The following CAMTA1 variants were observed in gnomAD, a reference collection of about 807,000 sequenced individuals.
CAMTA1 encodes the protein calmodulin-binding transcription activator 1.
In CAMTA1, 27 loss-of-function variants were observed where a neutral mutation model predicts 170.9. The ratio of observed to expected loss-of-function variants is 0.16; its 90% CI spans 0.12 to 0.22. The LOEUF (loss-of-function observed/expected upper bound fraction) is 0.22, where lower values mean the gene tolerates loss of function less well. CAMTA1 is among the 10% of genes least tolerant of loss of function. The pLI is 1.00. For missense variants in CAMTA1, 1,619 were observed against 2,217.2 expected (o/e 0.73, Z 5.42); for synonymous variants, 833 against 891.5 (o/e 0.93, Z 1.17).
At chr1:6,849,529 A>T (rs944878984) in intron 3 of CAMTA1, among the ~76,000 whole-genome samples, 9 of 152,068 alleles carry the variant, frequency 5.9e-5, no homozygotes, top group African/African-American at 2.2e-4. Flanking sequence ...GAGCTGGGAG[A>T]GTTACAGAAA....
chr1:7,449,931 C>T (rs767748251), intron 5 of CAMTA1, among the ~76,000 whole-genome samples: 5 of 152,078 alleles, frequency 3.3e-5, no homozygotes, highest in Non-Finnish European at 5.9e-5. Flanking sequence ...TACCACACTT[C>T]GCAACAAGAC....
At chr1:7,688,157 C>T (rs950038888) in intron 11 of CAMTA1, among the ~76,000 whole-genome samples, 2 of 150,238 alleles carry the variant, frequency 1.3e-5, no homozygotes, top group African/African-American at 4.9e-5. Flanking sequence ...TACAGGTGTG[C>T]ACCACCACAC....
intron 3 of CAMTA1, among the ~76,000 whole-genome samples, chr1:6,882,367 A>G (rs1291429391): frequency 3.3e-5 from 5 of 152,212 alleles, no homozygotes; most frequent in African/African-American, 4.8e-5. Flanking sequence ...TTGGGATAGA[A>G]GTAGGGAGAC....
At chr1:7,276,296 TA>T (rs1558345366) in intron 5 of CAMTA1, among the ~76,000 whole-genome samples, 14 of 14,204 alleles carry the variant, frequency 9.9e-4, no homozygotes, top group South Asian at 1.9e-3. Context: ...TATATATATA[TA>T]TATATATTTT....
chr1:7,036,289 T>C (rs1263988000), intron 3 of CAMTA1, among the ~76,000 whole-genome samples: 2 of 152,198 alleles, frequency 1.3e-5, no homozygotes, highest in Non-Finnish European at 2.9e-5. Context: ...ATAATCATCA[T>C]CATCATCACT....
Position 7,581,000 on chromosome 1 carries a change from T to C in CAMTA1, c.511-59400T>C, listed in dbSNP as rs1381436055. On this transcript the variant is annotated intron_variant, in intron 6 of 22. Transcript: ENST00000303635. This position sits in a 1 kb window ranked among gnomAD's most constrained non-coding sequence, Gnocchi z 4.3. The stretch of plus-strand genomic sequence containing the variant: ...AAAATGGAACGACTGCAGAGCTTAG[T>C]AAAGTGCCACCACACATACGTGGTT... Among the ~76,000 whole-genome samples, 1 of 152,228 alleles carries C rather than the reference T, an allele frequency of 6.6e-6. No homozygotes were observed. Among genetic ancestry groups the C allele is most frequent in the Non-Finnish European group, 1.5e-5 (1 of 68,042 alleles).
At chr1:7,626,466 C>T (rs1404353337) in intron 6 of CAMTA1, among the ~76,000 whole-genome samples, 1 of 152,204 alleles carries the variant, frequency 6.6e-6, no homozygotes, top group Non-Finnish European at 1.5e-5. Flanking sequence ...AGAAAGCCCA[C>T]CAAACATCTC....
intron 4 of CAMTA1, among the ~76,000 whole-genome samples, chr1:7,203,628 C>G (rs912485506): frequency 6.6e-6 from 1 of 151,100 alleles, no homozygotes; most frequent in Non-Finnish European, 1.5e-5. Flanking sequence ...TCTAAGCTAT[C>G]TAATTTGTTG....
chr1:7,013,832 C>T (rs1700160049), intron 3 of CAMTA1, among the ~76,000 whole-genome samples: 1 of 152,234 alleles, frequency 6.6e-6, no homozygotes, highest in Admixed American at 6.5e-5. Flanking sequence ...CTTGCCTCCA[C>T]TCCTCAAGGC....
At chr1:7,551,470 CAG>C (rs1299257240) in intron 6 of CAMTA1, among the ~76,000 whole-genome samples, 1 of 152,192 alleles carries the variant, frequency 6.6e-6, no homozygotes, top group Non-Finnish European at 1.5e-5. Context: ...CCATTCGTAA[CAG>C]AGCATGCCTG....
chr1:7,118,498 A>C (rs372716372), intron 4 of CAMTA1, among the ~76,000 whole-genome samples: 40 of 151,408 alleles, frequency 2.6e-4, no homozygotes, highest in African/African-American at 9.2e-4. Context: ...TGGGGTCTTC[A>C]TGTGTTCCCC....
Position 7,481,792 on chromosome 1 carries a change from C to CATACAGT in CAMTA1, c.510+13892_510+13898dup, listed in dbSNP as rs1158910536. On this transcript the variant is annotated intron_variant, in intron 6 of 22. Transcript: ENST00000303635. ...AGCATTAACCAAAGTTCAATATTTG[C>CATACAGT]ATACAGTTCTTTTTTTTTTTTGCTT... 3.8e-5 allele frequency among the ~76,000 whole-genome samples: 5 copies of CATACAGT among 133,132 alleles called. No homozygotes were observed. In the East Asian group the frequency reaches 1.2e-3, roughly 31 times the overall value. 87.3% of individuals were successfully genotyped at this position (133,132 alleles called of 152,430 possible).
intron 5 of CAMTA1, among the ~76,000 whole-genome samples, chr1:7,273,887 G>T (rs1324568811): frequency 6.6e-6 from 1 of 152,144 alleles, no homozygotes; most frequent in Non-Finnish European, 1.5e-5. Context: ...TACATTTTTG[G>T]TGAAGTGCTC....
chr1:7,608,117 C>T (rs1345152216), intron 6 of CAMTA1, among the ~76,000 whole-genome samples: 1 of 152,234 alleles, frequency 6.6e-6, no homozygotes, highest in Non-Finnish European at 1.5e-5. Context: ...GCTAGTGCAG[C>T]TGCTGACCCA....
Position 7,339,135 on chromosome 1 carries a change from T to G in CAMTA1, c.438+89509T>G, listed in dbSNP as rs2083605275. Among the ~76,000 whole-genome samples, 18 of 152,208 alleles carry G rather than the reference T, an allele frequency of 1.2e-4. 1 individual carries two copies. The highest frequency in any genetic ancestry group is 1.2e-3 in the Admixed American group (18 of 15,288). ...GGATTACAATTTGACATGAGATTTGTTCAGGGACACAGACCCAAACCATAC... is the reference window on the plus strand; with the variant it reads ...GGATTACAATTTGACATGAGATTTGGTCAGGGACACAGACCCAAACCATAC... On this transcript the variant is annotated intron_variant, in intron 5 of 22. Coordinates refer to ENST00000303635, the MANE Select transcript of CAMTA1 (RefSeq NM_015215.4).
Position 7,664,976 on chromosome 1 carries a change from C to T in CAMTA1, c.2429C>T (p.Ala810Val), listed in dbSNP as rs768327327. ...STALSQSEDG[A>V]RAPFTQAEMC... ...GCGCTCTCACAGTCAGAGGACGGGG[C>T]GCGGGCCCCCTTCACCCAGGCAGAG... is the stretch of plus-strand genomic sequence containing the variant. The change falls in exon 9 of 23, where the codon GCG becomes GTG. Residue 810 changes from alanine to valine, a missense_variant. By Grantham distance (64) the Ala-to-Val change is moderately conservative. Coordinates refer to ENST00000303635, the MANE Select transcript of CAMTA1 (RefSeq NM_015215.4). 1.1e-5 allele frequency: 17 copies of T among 1,610,466 alleles called. No homozygotes were observed. Among genetic ancestry groups the T allele is most frequent in the East Asian group, 6.7e-5 (3 of 44,848 alleles).
intron 4 of CAMTA1, among the ~76,000 whole-genome samples, chr1:7,152,689 C>T (rs528449018): frequency 5.3e-5 from 8 of 152,210 alleles, no homozygotes; most frequent in Non-Finnish European, 7.3e-5. Flanking sequence ...TCCCAGGAGG[C>T]GCCTCTGAGT....
chr1:7,161,667 C>T (rs1647236879), intron 4 of CAMTA1, among the ~76,000 whole-genome samples: 1 of 152,176 alleles, frequency 6.6e-6, no homozygotes, highest in Non-Finnish European at 1.5e-5. Context: ...GTGAGGCCTC[C>T]CCAGCCACAT....
chr1:7,155,924 T>C (rs1646852176), intron 4 of CAMTA1, among the ~76,000 whole-genome samples: 1 of 152,156 alleles, frequency 6.6e-6, no homozygotes, highest in Non-Finnish European at 1.5e-5. Flanking sequence ...ATGGGGCATC[T>C]CTTCTAGAGC....
Sources: allele counts gnomAD v4.1 joint callset (sites outside exome capture counted in the v4.1 genomes callset), GRCh38; gene constraint gnomAD v4.1.1; non-coding constraint Gnocchi (gnomAD v3.1); transcripts MANE v1.5; gene names NCBI Gene and HGNC (gene_info 2026-07-23, HGNC 2026-07-21).